The following AFF2 variants were observed in gnomAD, a reference collection of about 807,000 sequenced individuals.
The protein encoded by AFF2 is AF4/FMR2 family member 2.
A neutral mutation model predicts 76.9 loss-of-function variants in AFF2; 14 were observed. The ratio of observed to expected loss-of-function variants is 0.18; its 90% CI spans 0.12 to 0.28. The LOEUF is 0.28. AFF2 is among the 10% of genes least tolerant of loss of function. The probability of loss-of-function intolerance (pLI) is 1.00; values close to 1 mark genes in which losing one functional copy is unlikely to be tolerated. For missense variants in AFF2, 868 were observed against 1,001.1 expected (o/e 0.87, Z 1.79); for synonymous variants, 398 against 366.7 (o/e 1.09, Z -0.98).
In AFF2 at chrX:148,501,155, A is replaced by AT; in HGVS notation, c.47+16dup. 8.3e-7 allele frequency: 1 copy of AT among 1,209,706 alleles called. No homozygotes were observed. The highest frequency in any genetic ancestry group is 1.1e-6 in the Non-Finnish European group (1 of 894,305). On this transcript the variant is annotated intron_variant, in intron 1 of 20. Coordinates refer to ENST00000370460, the MANE Select transcript of AFF2 (RefSeq NM_002025.4). ...CTTGGAGCAGCAGTGGTAGGTGTTG[A>AT]TTTTTGCCTTCTCCTTTGATGAGCG...
chrX:148,530,593 C>CG (rs1557235753), intron 1 of AFF2, among the ~76,000 whole-genome samples: 1 of 104,053 alleles, frequency 9.6e-6, no homozygotes, highest in African/African-American at 3.5e-5. Flanking sequence ...AAATTTGCTC[C>CG]TTTTTTTTTT....
intron 3 of AFF2, among the ~76,000 whole-genome samples, chrX:148,797,375 G>C (rs1211245143): frequency 9.0e-6 from 1 of 111,661 alleles, no homozygotes; most frequent in Non-Finnish European, 1.9e-5. Context: ...ATATTAAACA[G>C]TATCTCATGA....
chrX:148,568,434 C>T (rs2053193154), intron 1 of AFF2, among the ~76,000 whole-genome samples: 1 of 112,067 alleles, frequency 8.9e-6, no homozygotes, highest in Non-Finnish European at 1.9e-5. Context: ...TTGGACAAGA[C>T]TTACAATCAA....
intron 3 of AFF2, among the ~76,000 whole-genome samples, chrX:148,778,915 C>A (rs2069703837): frequency 9.0e-6 from 1 of 110,753 alleles, no homozygotes; most frequent in Non-Finnish European, 1.9e-5. Flanking sequence ...TTTGCTCTTG[C>A]CTCTCTAGTT....
chrX:148,990,406 A>G (rs181657871), intron 20 of AFF2, among the ~76,000 whole-genome samples: 5 of 112,547 alleles, frequency 4.4e-5, no homozygotes, highest in African/African-American at 1.3e-4. Context: ...GAGCTCTCTC[A>G]TAACTAAGTG....
chrX:148,764,717 GAA>G (rs1189187677), intron 3 of AFF2, among the ~76,000 whole-genome samples: 2 of 112,363 alleles, frequency 1.8e-5, no homozygotes, highest in Admixed American at 1.9e-4. Flanking sequence ...TGGCATGTAT[GAA>G]AAGAGTGTGT....
intron 3 of AFF2, among the ~76,000 whole-genome samples, chrX:148,711,921 A>G (rs1162424571): frequency 9.0e-6 from 1 of 111,415 alleles, no homozygotes; most frequent in Non-Finnish European, 1.9e-5. Flanking sequence ...CTGCCATATG[A>G]TCTTGTATCT....
At chrX:148,641,806 G>T (rs1452849096) in intron 1 of AFF2, among the ~76,000 whole-genome samples, 1 of 111,805 alleles carries the variant, frequency 8.9e-6, no homozygotes, top group African/African-American at 3.3e-5. Flanking sequence ...CCTTCACATA[G>T]AGTTCTCTCT....
intron 3 of AFF2, among the ~76,000 whole-genome samples, chrX:148,688,174 T>A (rs1270756069): frequency 9.0e-6 from 1 of 111,298 alleles, no homozygotes; most frequent in Non-Finnish European, 1.9e-5. Context: ...GCTGCTGGTT[T>A]TCTTACCTCT....
chrX:148,784,769 GC>G (rs1227619453), intron 3 of AFF2, among the ~76,000 whole-genome samples: 1 of 111,774 alleles, frequency 8.9e-6, no homozygotes, highest in Non-Finnish European at 1.9e-5. Context: ...AATAGTGGGG[GC>G]AATTCCACAA....
rs1374269586 is a variant in AFF2 at position 148,981,693 on chromosome X, C to A, written c.3623+903C>A. On this transcript the variant is annotated intron_variant, in intron 19 of 20. Transcript: ENST00000370460. The stretch of plus-strand genomic sequence containing the variant: ...AAACTAGATGACTGTGGACATAGAC[C>A]GCTTTATAACTCCAAGCTGCTTTTT... Among the ~76,000 whole-genome samples the A allele has an allele frequency of 2.7e-5, 3 of 111,938 alleles. 1 individual carries two copies. Among genetic ancestry groups the A allele is most frequent in the African/African-American group, 9.7e-5 (3 of 30,816 alleles).
At chrX:148,779,674 C>T (rs1486296884) in intron 3 of AFF2, among the ~76,000 whole-genome samples, 2 of 111,812 alleles carry the variant, frequency 1.8e-5, no homozygotes, top group African/African-American at 6.5e-5. Flanking sequence ...GAATACAGCA[C>T]ACCAATGCGT....
Position 148,696,104 on chromosome X carries a change from A to G in AFF2, c.1041+33336A>G, listed in dbSNP as rs782206511. ...GTTTATCAGTGTTGCATAATGTTGT[A>G]TAATGTTGCCATTAGAACAAACTCC... On this transcript the variant is annotated intron_variant, in intron 3 of 20. Transcript: ENST00000370460. Among the ~76,000 whole-genome samples, 3 of 112,286 alleles carry G rather than the reference A, an allele frequency of 2.7e-5. No individual in the cohort carries two copies. In the East Asian group the frequency reaches 8.4e-4, roughly 31 times the overall value.
intron 9 of AFF2, among the ~76,000 whole-genome samples, chrX:148,905,403 G>A (rs1264225291): frequency 7.2e-5 from 8 of 111,883 alleles, no homozygotes; most frequent in South Asian, 3.8e-4. Flanking sequence ...TTGTCAGGTC[G>A]TGCAGCTGGG....
In AFF2 at chrX:148,962,765, C is replaced by G; in HGVS notation, c.2741C>G (p.Pro914Arg). 1 of 1,210,356 alleles carries G rather than the reference C, an allele frequency of 8.3e-7. No homozygotes were observed. Among genetic ancestry groups the G allele is most frequent in the Non-Finnish European group, 1.1e-6 (1 of 894,611 alleles). ...AGAAGAAAGGAAGAAAAACTATTTC[C>G]TCCTCCACTTTCCCCACTGCCAGAG... The part of the protein sequence containing the change: ...ANRRKEEKLF[P>R]PPLSPLPEDP... Residue 914 changes from proline (P) to arginine (R), a missense_variant, in exon 13 of 21, where the codon CCT becomes CGT. Physicochemically the swap from Pro to Arg is moderately radical, Grantham distance 103. Coordinates refer to ENST00000370460, the MANE Select transcript of AFF2 (RefSeq NM_002025.4).
chrX:148,729,574 C>T (rs998660729), intron 3 of AFF2, among the ~76,000 whole-genome samples: 13 of 111,392 alleles, frequency 1.2e-4, no homozygotes, highest in African/African-American at 4.3e-4. Flanking sequence ...CATACCCAGG[C>T]TTTCATTCTG....
chrX:148,542,079 G>T (rs891640253), intron 1 of AFF2, among the ~76,000 whole-genome samples: 4 of 109,794 alleles, frequency 3.6e-5, no homozygotes, highest in Non-Finnish European at 7.6e-5. Flanking sequence ...TGAATAACTT[G>T]TGTTTATTCT....
intron 19 of AFF2, 61 bp from the exon 20 acceptor site, chrX:148,987,306 A>G: frequency 9.4e-7 from 1 of 1,069,251 alleles, no homozygotes; most frequent in East Asian, 3.0e-5. Context: ...GGGAAGGCCT[A>G]GAACCCCACT....
chrX:148,524,009 A>G (rs901838559), intron 1 of AFF2, among the ~76,000 whole-genome samples: 1 of 110,891 alleles, frequency 9.0e-6, no homozygotes, highest in African/African-American at 3.3e-5. Flanking sequence ...AACACCAAAG[A>G]AGAAACTCTG....
Sources: allele counts gnomAD v4.1 joint callset (sites outside exome capture counted in the v4.1 genomes callset), GRCh38; gene constraint gnomAD v4.1.1; transcripts MANE v1.5; gene names NCBI Gene and HGNC (gene_info 2026-07-23, HGNC 2026-07-21).